Variants in ST6GALNAC3 observed in about 807,000 individuals in gnomAD.
The protein encoded by ST6GALNAC3 is ST6 N-acetylgalactosaminide alpha-2,6-sialyltransferase 3.
ST6GALNAC3 carries 25 observed loss-of-function variants against 32.7 expected under a neutral mutation model. The observed-to-expected ratio is 0.76, with a 90% confidence interval of 0.56 to 1.07. ST6GALNAC3 has a LOEUF of 1.07. ST6GALNAC3 is among the 50% of genes least tolerant of loss of function. The pLI is 0.00. For synonymous variants in ST6GALNAC3, 129 were observed against 133.1 expected, an observed-to-expected ratio of 0.97 and a Z score of 0.21; for missense variants, 355 against 382.4, an observed-to-expected ratio of 0.93 and a Z score of 0.60.
At chr1:76,555,112 A>G (rs935047761) in intron 3 of ST6GALNAC3, among the ~76,000 whole-genome samples, 4 of 152,186 alleles carry the variant, frequency 2.6e-5, no homozygotes, top group African/African-American at 9.6e-5. Flanking sequence ...CTTGAATAAT[A>G]TATGAGGAGA....
At chr1:76,481,930 C>T (rs1210597531) in intron 3 of ST6GALNAC3, among the ~76,000 whole-genome samples, 1 of 152,086 alleles carries the variant, frequency 6.6e-6, no homozygotes, top group Non-Finnish European at 1.5e-5. Context: ...TGGCTATTTC[C>T]AAATCAAATT....
intron 1 of ST6GALNAC3, among the ~76,000 whole-genome samples, chr1:76,207,349 C>T (rs908969457): frequency 7.2e-5 from 11 of 152,250 alleles, no homozygotes; most frequent in Admixed American, 1.3e-4. Context: ...TCCACAACTG[C>T]TCCTTCTGCT....
At chr1:76,154,073 T>G (rs975629255) in intron 1 of ST6GALNAC3, among the ~76,000 whole-genome samples, 6 of 152,088 alleles carry the variant, frequency 3.9e-5, no homozygotes, top group African/African-American at 1.4e-4. Flanking sequence ...AGGAGAGACA[T>G]GAAACCCAAC....
At chr1:76,301,880 T>A (rs4405171) in intron 1 of ST6GALNAC3, among the ~76,000 whole-genome samples, 125,769 of 151,668 alleles carry the variant, frequency 0.83, 52,368 homozygotes, top group African/African-American at 0.9. Flanking sequence ...AGAAGAAAAA[T>A]CTCAAAAAGG....
intron 2 of ST6GALNAC3, among the ~76,000 whole-genome samples, chr1:76,373,478 G>A (rs1456996669): frequency 6.6e-6 from 1 of 152,174 alleles, no homozygotes; most frequent in African/African-American, 2.4e-5. Flanking sequence ...AAAAATAGAA[G>A]ATTCCCAAGG....
intron 1 of ST6GALNAC3, among the ~76,000 whole-genome samples, chr1:76,236,778 C>T (rs970289384): frequency 3.3e-5 from 5 of 152,044 alleles, no homozygotes; most frequent in East Asian, 1.9e-4. Context: ...TGCAATCTTC[C>T]GTATAATGTA....
intron 1 of ST6GALNAC3, among the ~76,000 whole-genome samples, chr1:76,204,358 G>C (rs1216533292): frequency 6.6e-6 from 1 of 152,150 alleles, no homozygotes; most frequent in Non-Finnish European, 1.5e-5. Flanking sequence ...TGGGGGTAGA[G>C]ATAGTAGATG....
intron 3 of ST6GALNAC3, among the ~76,000 whole-genome samples, chr1:76,485,168 T>C (rs1660025222): frequency 2.0e-5 from 3 of 152,310 alleles, no homozygotes; most frequent in African/African-American, 7.2e-5. Flanking sequence ...ATCAGGGATA[T>C]TGGTCTAAAA....
At position 76,412,272 on chromosome 1, in the gene ST6GALNAC3, A is replaced by T. The variant is rs775181918; in HGVS notation, c.478A>T (p.Asn160Tyr). ...TIYVIWGPFR[N>Y]MRKDGNGIVY... ...TTATGTTATTTGGGGACCTTTCCGCAATATGAGGAAAGATGGCAATGGCAT... is the reference window on the plus strand; with the variant it reads ...TTATGTTATTTGGGGACCTTTCCGCTATATGAGGAAAGATGGCAATGGCAT... The change falls in exon 3 of 5, where the codon AAT becomes TAT. Residue 160 changes from asparagine (N) to tyrosine (Y), a missense_variant. Coordinates refer to ENST00000328299, the MANE Select transcript of ST6GALNAC3 (RefSeq NM_152996.4). The T allele has an allele frequency of 1.9e-6, 3 of 1,613,724 alleles. No individual in the cohort carries two copies. In the Admixed American group the frequency reaches 5.0e-5, roughly 27 times the overall value.
At chr1:76,330,319 ATTTTTGTATTT>A (rs1398797507) in intron 2 of ST6GALNAC3, among the ~76,000 whole-genome samples, 1 of 151,984 alleles carries the variant, frequency 6.6e-6, no homozygotes, top group Non-Finnish European at 1.5e-5. Context: ...TGCCCGGCTA[ATTTTTGTATTT>A]TTAATAGAGA....
chr1:76,238,295 C>A (rs1315782602), intron 1 of ST6GALNAC3, among the ~76,000 whole-genome samples: 2 of 152,188 alleles, frequency 1.3e-5, no homozygotes, highest in African/African-American at 4.8e-5. Flanking sequence ...TAATAAATTT[C>A]ATCACTCAGA....
At chr1:76,238,768 T>C (rs922824437) in intron 1 of ST6GALNAC3, among the ~76,000 whole-genome samples, 14 of 152,194 alleles carry the variant, frequency 9.2e-5, no homozygotes, top group African/African-American at 3.1e-4. Context: ...AGGTGTGAGA[T>C]AGATTATTTT....
Position 76,633,078 on chromosome 1 carries a change from C to T in ST6GALNAC3, c.*4272C>T, listed in dbSNP as rs1435106851. The T allele has an allele frequency of 6.6e-6, 1 of 152,154 alleles. No individual in the cohort carries two copies. Among genetic ancestry groups the T allele is most frequent in the Non-Finnish European group, 1.5e-5 (1 of 68,036 alleles). The allele number at this position is 152,154 out of a possible 1,614,324, so 9.4% of individuals were successfully genotyped here. ...TTAGAGCTGAAAGAGATTTTAAAGA[C>T]CAGCCAATTCAACTCCTACACCTTG... On this transcript the variant is annotated 3_prime_UTR_variant, in exon 5 of 5. Coordinates refer to ENST00000328299, the MANE Select transcript of ST6GALNAC3 (RefSeq NM_152996.4).
At chr1:76,607,150 C>T (rs1393702120) in intron 3 of ST6GALNAC3, among the ~76,000 whole-genome samples, 2 of 152,164 alleles carry the variant, frequency 1.3e-5, no homozygotes, top group Non-Finnish European at 2.9e-5. Context: ...TGCTGGTTTA[C>T]TATAAAGGAT....
intron 1 of ST6GALNAC3, among the ~76,000 whole-genome samples, chr1:76,135,398 A>C (rs922290614): frequency 6.6e-6 from 1 of 152,316 alleles, no homozygotes; most frequent in Non-Finnish European, 1.5e-5. Flanking sequence ...TTGAACATCT[A>C]CTGATATGAT....
At chr1:76,487,516 A>G (rs1186832174) in intron 3 of ST6GALNAC3, among the ~76,000 whole-genome samples, 3 of 152,112 alleles carry the variant, frequency 2.0e-5, no homozygotes, top group Non-Finnish European at 2.9e-5. Flanking sequence ...AGTTGATCGA[A>G]TCGGCTACTG....
intron 3 of ST6GALNAC3, among the ~76,000 whole-genome samples, chr1:76,619,823 CATCA>C (rs1371069872): frequency 1.3e-5 from 2 of 152,098 alleles, no homozygotes; most frequent in African/African-American, 4.8e-5. Flanking sequence ...CTCAGTACAA[CATCA>C]CAGGCCATTC....
At chr1:76,242,011 A>C (rs1275510624) in intron 1 of ST6GALNAC3, among the ~76,000 whole-genome samples, 3 of 152,180 alleles carry the variant, frequency 2.0e-5, no homozygotes, top group Non-Finnish European at 4.4e-5. Context: ...AATGGGATTG[A>C]TCATCCTTAC....
intron 3 of ST6GALNAC3, among the ~76,000 whole-genome samples, chr1:76,508,527 G>A (rs575712306): frequency 3.9e-5 from 6 of 152,240 alleles, no homozygotes; most frequent in Non-Finnish European, 7.4e-5. Context: ...AGGCAGCATT[G>A]TGTTTGAAGT....
Sources: gnomAD v4.1 joint callset for allele counts (sites outside exome capture counted in the v4.1 genomes callset) on GRCh38, gnomAD v4.1.1 for gene constraint, MANE v1.5 for transcripts, NCBI Gene and HGNC (gene_info 2026-07-23, HGNC 2026-07-21) for gene names.